Variants in PEAK1 observed in about 807,000 individuals in gnomAD.
The protein encoded by PEAK1 is pseudopodium enriched atypical kinase 1, also known as inactive tyrosine-protein kinase PEAK1.
In PEAK1, 54 loss-of-function variants were observed where a neutral mutation model predicts 124.7. The ratio of observed to expected loss-of-function variants is 0.43; its 90% CI spans 0.35 to 0.54. The LOEUF (loss-of-function observed/expected upper bound fraction) is 0.54, where lower values mean the gene tolerates loss of function less well. Ranked by LOEUF, PEAK1 falls within the 20% of genes least tolerant of loss-of-function variation. The pLI is 0.01. For synonymous variants in PEAK1, 719 were observed against 760.0 expected, an observed-to-expected ratio of 0.95 and a Z score of 0.89; for missense variants, 2,046 against 2,134.5, an observed-to-expected ratio of 0.96 and a Z score of 0.82.
intron 7 of PEAK1, among the ~76,000 whole-genome samples, chr15:77,171,336 T>C (rs190504484): frequency 6.6e-6 from 1 of 152,234 alleles, no homozygotes; most frequent in Admixed American, 6.5e-5. Flanking sequence ...CTGAAAATAA[T>C]TAATCCATTT....
At chr15:77,322,393 A>C (rs1003162455) in intron 2 of PEAK1, among the ~76,000 whole-genome samples, 1 of 152,178 alleles carries the variant, frequency 6.6e-6, no homozygotes, top group Admixed American at 6.5e-5. Context: ...TAGACTAATA[A>C]AGAAGAAAAG....
intron 1 of PEAK1, among the ~76,000 whole-genome samples, chr15:77,377,810 T>G (rs947684035): frequency 1.3e-5 from 2 of 152,156 alleles, no homozygotes; most frequent in Non-Finnish European, 2.9e-5. Context: ...TGACCAAAAC[T>G]TTGTCATTCC....
At chr15:77,248,135 G>T (rs1023239938) in intron 6 of PEAK1, among the ~76,000 whole-genome samples, 2 of 151,880 alleles carry the variant, frequency 1.3e-5, no homozygotes, top group Non-Finnish European at 2.9e-5. Context: ...GGCCTCAAGT[G>T]ATCCTCTCAC....
At chr15:77,294,743 T>C (rs934173842) in intron 2 of PEAK1, among the ~76,000 whole-genome samples, 1 of 152,196 alleles carries the variant, frequency 6.6e-6, no homozygotes, top group Non-Finnish European at 1.5e-5. Flanking sequence ...CAATACCTAG[T>C]ATAGATGCTG....
At chr15:77,132,587 C>T (rs539891208) in intron 9 of PEAK1, among the ~76,000 whole-genome samples, 2 of 150,124 alleles carry the variant, frequency 1.3e-5, no homozygotes, top group African/African-American at 2.4e-5. Context: ...CCCAGCTACT[C>T]GGGAGGCTGA....
intron 2 of PEAK1, among the ~76,000 whole-genome samples, chr15:77,330,064 GA>G (rs1442904571): frequency 6.6e-6 from 1 of 150,616 alleles, no homozygotes; most frequent in African/African-American, 2.4e-5. Flanking sequence ...CTGAAATCAA[GA>G]AAAAATACAA....
At chr15:77,346,620 C>G in intron 2 of PEAK1, 2 of 985,088 alleles carry the variant, frequency 2.0e-6, no homozygotes, top group Non-Finnish European at 2.4e-6. Flanking sequence ...AACTAGGAGA[C>G]AAAACAGCGA....
chr15:77,356,828 T>C (rs1451459130), intron 2 of PEAK1, among the ~76,000 whole-genome samples: 3 of 152,354 alleles, frequency 2.0e-5, no homozygotes, highest in Non-Finnish European at 4.4e-5. Flanking sequence ...AACATGACTT[T>C]TACAAGAGTA....
chr15:77,402,164 C>T, intron 1 of PEAK1: 6 of 720,784 alleles, frequency 8.3e-6, no homozygotes, highest in Non-Finnish European at 9.4e-6. Context: ...GACACTCCAC[C>T]TCGGAAAAAA....
intron 6 of PEAK1, among the ~76,000 whole-genome samples, chr15:77,194,431 A>G (rs1055593077): frequency 2.6e-5 from 4 of 152,126 alleles, no homozygotes; most frequent in African/African-American, 9.7e-5. Context: ...TCTGCTACTG[A>G]CTTACCATTT....
intron 2 of PEAK1, among the ~76,000 whole-genome samples, chr15:77,354,848 G>A (rs1266575351): frequency 6.6e-6 from 1 of 152,112 alleles, no homozygotes; most frequent in East Asian, 1.9e-4. Context: ...GGCCATCCTG[G>A]CTAACACGGT....
chr15:77,320,344 C>A (rs2065122772), intron 2 of PEAK1, among the ~76,000 whole-genome samples: 1 of 152,150 alleles, frequency 6.6e-6, no homozygotes, highest in Non-Finnish European at 1.5e-5. Flanking sequence ...GAATAAAACA[C>A]TCTATCTCAT....
chr15:77,115,339 T>C lies in PEAK1; in HGVS notation c.4078-20A>G, dbSNP rs2051267696. On this transcript the variant is annotated intron_variant, in intron 9 of 9. Coordinates refer to ENST00000682557, the MANE Select transcript of PEAK1 (RefSeq NM_001385026.1). Reference sequence around the variant, plus strand: ...ACAGATCTGAAAGATAATAAAACAATTCAAAACTCACACTCTCATAACCAG... The same window carrying C: ...ACAGATCTGAAAGATAATAAAACAACTCAAAACTCACACTCTCATAACCAG... 11 of 1,595,822 alleles carry C rather than the reference T, an allele frequency of 6.9e-6. No homozygotes were observed. Among genetic ancestry groups the C allele is most frequent in the Non-Finnish European group, 9.4e-6 (11 of 1,166,484 alleles).
At chr15:77,251,663 G>A (rs1434110600) in intron 6 of PEAK1, among the ~76,000 whole-genome samples, 1 of 152,154 alleles carries the variant, frequency 6.6e-6, no homozygotes, top group Non-Finnish European at 1.5e-5. Flanking sequence ...CTTTACTCCA[G>A]AGGTGGGGCT....
intron 5 of PEAK1, among the ~76,000 whole-genome samples, chr15:77,280,675 A>T (rs897945725): frequency 6.6e-6 from 1 of 151,368 alleles, no homozygotes; most frequent in African/African-American, 2.4e-5. Flanking sequence ...ATTTTAATGT[A>T]CTCAAGTTGA....
chr15:77,153,340 C>G (rs2054829603), intron 8 of PEAK1, among the ~76,000 whole-genome samples: 1 of 152,114 alleles, frequency 6.6e-6, no homozygotes, highest in South Asian at 2.1e-4. Context: ...GTGATATCCC[C>G]TTTATCATTT....
At chr15:77,335,981 A>C (rs948184334) in intron 2 of PEAK1, 1 of 985,286 alleles carries the variant, frequency 1.0e-6, no homozygotes, top group African/African-American at 1.7e-5. Flanking sequence ...ATGATGGACT[A>C]GTAGGACTCC....
intron 8 of PEAK1, among the ~76,000 whole-genome samples, chr15:77,137,611 A>G (rs1434141715): frequency 6.6e-6 from 1 of 152,206 alleles, no homozygotes; most frequent in Non-Finnish European, 1.5e-5. Flanking sequence ...CCCATTTGGA[A>G]TGGCTGTATT....
intron 7 of PEAK1, among the ~76,000 whole-genome samples, chr15:77,177,610 A>C (rs943024425): frequency 9.2e-5 from 14 of 152,082 alleles, no homozygotes; most frequent in African/African-American, 3.4e-4. Context: ...AAAGAAGGGC[A>C]GGCCCTTCTT....
Sources: gnomAD v4.1 joint callset for allele counts (sites outside exome capture counted in the v4.1 genomes callset) on GRCh38, gnomAD v4.1.1 for gene constraint, MANE v1.5 for transcripts, NCBI Gene and HGNC (gene_info 2026-07-23, HGNC 2026-07-21) for gene names.